The following PWWP2A variants were observed in gnomAD, a reference collection of about 807,000 sequenced individuals.
PWWP2A encodes the protein PWWP domain containing 2A.
Under a neutral mutation model 48.5 loss-of-function variants are expected in PWWP2A, and 18 were observed. The ratio of observed to expected loss-of-function variants is 0.37; its 90% CI spans 0.26 to 0.55. The LOEUF is 0.55. PWWP2A is among the 20% of genes least tolerant of loss of function. The pLI, the probability that PWWP2A is intolerant of heterozygous loss-of-function variation, is 0.81. For missense variants in PWWP2A, 867 were observed against 976.4 expected (o/e 0.89, Z 1.49); for synonymous variants, 396 against 387.7 (o/e 1.02, Z -0.25).
chr5:160,073,684 T>C (rs1043175169), downstream of PWWP2A, among the ~76,000 whole-genome samples: 7 of 152,208 alleles, frequency 4.6e-5, no homozygotes, highest in South Asian at 2.1e-4. Flanking sequence ...TCTCTTCTTC[T>C]GGCACAGTTT....
downstream of PWWP2A, among the ~76,000 whole-genome samples, chr5:160,088,558 C>A (rs1274492122): frequency 6.6e-6 from 1 of 152,070 alleles, no homozygotes; most frequent in African/African-American, 2.4e-5. Context: ...CCATATCCGG[C>A]ATTTTTTAAG....
the PWWP2A span, among the ~76,000 whole-genome samples, chr5:160,052,949 G>GC: frequency 6.6e-6 from 1 of 152,294 alleles, no homozygotes; most frequent in South Asian, 2.1e-4. Flanking sequence ...TTACACATGT[G>GC]TAGTTTGAAT....
chr5:160,099,763 C>T (rs1384171729), intron 1 of PWWP2A, among the ~76,000 whole-genome samples: 2 of 151,778 alleles, frequency 1.3e-5, no homozygotes, highest in South Asian at 2.1e-4. Flanking sequence ...CTGCAACCTC[C>T]ACCTCCCAGG....
At chr5:160,087,865 CAA>C (rs1246056905), downstream of PWWP2A, among the ~76,000 whole-genome samples, 4 of 152,084 alleles carry the variant, frequency 2.6e-5, no homozygotes, top group South Asian at 2.1e-4. Flanking sequence ...AAAGATAAGA[CAA>C]AGAGTTGTTT....
the PWWP2A span, among the ~76,000 whole-genome samples, chr5:160,054,441 C>T: frequency 6.6e-6 from 1 of 152,068 alleles, no homozygotes; most frequent in East Asian, 1.9e-4. Flanking sequence ...TGGCAAGACC[C>T]CCATCTCTGC....
the PWWP2A span, among the ~76,000 whole-genome samples, chr5:160,055,483 G>A: frequency 6.6e-6 from 1 of 152,198 alleles, no homozygotes; most frequent in African/African-American, 2.4e-5. Context: ...CTAATCACCA[G>A]TTGCAAAGCA....
intron 1 of PWWP2A, among the ~76,000 whole-genome samples, chr5:160,106,973 A>C (rs1468566113): frequency 6.6e-6 from 1 of 151,758 alleles, no homozygotes; most frequent in Admixed American, 6.6e-5. Context: ...ACAGGCACAC[A>C]CCACCACGCT....
the PWWP2A span, chr5:160,049,749 T>A: frequency 1.7e-6 from 2 of 1,163,930 alleles, no homozygotes; most frequent in Non-Finnish European, 2.3e-6. Flanking sequence ...CAGACACAAT[T>A]AAATTCCATT....
chr5:160,087,199 G>A (rs1182314341), downstream of PWWP2A, among the ~76,000 whole-genome samples: 1 of 152,006 alleles, frequency 6.6e-6, no homozygotes, highest in Non-Finnish European at 1.5e-5. Context: ...GGCAACAAAG[G>A]GAGACTTTGT....
intron 1 of PWWP2A, among the ~76,000 whole-genome samples, chr5:160,108,343 G>A (rs1253508698): frequency 6.6e-6 from 1 of 152,230 alleles, no homozygotes; most frequent in Non-Finnish European, 1.5e-5. Flanking sequence ...CTAAAGCTGT[G>A]TGGGTCAGGG....
downstream of PWWP2A, among the ~76,000 whole-genome samples, chr5:160,058,225 C>T (rs1757595454): frequency 6.6e-6 from 1 of 152,184 alleles, no homozygotes; most frequent in Non-Finnish European, 1.5e-5. Flanking sequence ...AATTTAGTCA[C>T]ATCTTCAAGC....
rs1277876962 is a variant in PWWP2A at position 160,119,097 on chromosome 5, G to A, written c.292C>T (p.Arg98Trp). ...ELEAEEKLSV[R>W]VAESAAAAPQ... ...GCGGCTGCCGCCGACTCCGCCACCC[G>A]AACGGACAGTTTCTCCTCAGCCTCC... Residue 98 changes from arginine (R) to tryptophan (W), a missense_variant, in exon 1 of 2, where the codon CGG (arginine) becomes TGG (tryptophan). Physicochemically the swap from Arg to Trp is moderately radical, Grantham distance 101. Around this residue, in one of 4 missense-constraint regions of PWWP2A, gnomAD observed 385 missense variants for 396.9 expected, o/e 0.97. Transcript: ENST00000307063. 1.9e-6 allele frequency: 3 copies of A among 1,588,378 alleles called. No individual in the cohort carries two copies. Among genetic ancestry groups the A allele is most frequent in the African/African-American group, 1.4e-5 (1 of 72,666 alleles).
At chr5:160,086,345 C>A (rs1464203014), downstream of PWWP2A, among the ~76,000 whole-genome samples, 4 of 151,572 alleles carry the variant, frequency 2.6e-5, no homozygotes, top group Non-Finnish European at 4.4e-5. Flanking sequence ...ATAGTGTGAC[C>A]CTGTCTCTAT....
At chr5:160,110,964 C>T (rs1757501271) in intron 1 of PWWP2A, among the ~76,000 whole-genome samples, 2 of 131,734 alleles carry the variant, frequency 1.5e-5, no homozygotes, top group South Asian at 4.8e-4. Context: ...CTGAGCAAGA[C>T]TCTGTCTCAA....
the PWWP2A span, among the ~76,000 whole-genome samples, chr5:160,051,427 A>G: frequency 4.6e-5 from 7 of 152,324 alleles, no homozygotes; most frequent in East Asian, 1.2e-3. Context: ...GAATTTAAGC[A>G]TAATTCAGTT....
At chr5:160,052,355 G>C in the PWWP2A span, among the ~76,000 whole-genome samples, 8 of 151,968 alleles carry the variant, frequency 5.3e-5, no homozygotes, top group African/African-American at 1.9e-4. Flanking sequence ...AATTAGTCAG[G>C]CATGGTGGCA....
chr5:160,089,651 T>A (rs1174383653), downstream of PWWP2A: 3 of 1,286,018 alleles, frequency 2.3e-6, no homozygotes, highest in African/African-American at 4.6e-5. Context: ...TGCTTTACAT[T>A]TCTGAGAATT....
intron 2 of PWWP2A, among the ~76,000 whole-genome samples, chr5:160,084,187 A>G (rs1754448732): frequency 6.6e-6 from 1 of 152,172 alleles, no homozygotes; most frequent in African/African-American, 2.4e-5. Context: ...ATTGCTTTAA[A>G]TATTCTTTTA....
downstream of PWWP2A, among the ~76,000 whole-genome samples, chr5:160,088,424 G>C (rs960403462): frequency 2.0e-5 from 3 of 152,022 alleles, no homozygotes; most frequent in African/African-American, 7.2e-5. Context: ...GAAGAGACAG[G>C]GTTTAATAGA....
Sources: allele counts gnomAD v4.1 joint callset (sites outside exome capture counted in the v4.1 genomes callset), GRCh38; gene constraint gnomAD v4.1.1; regional missense constraint gnomAD v4.1.1; transcripts MANE v1.5; gene names NCBI Gene and HGNC (gene_info 2026-07-23, HGNC 2026-07-21).